CARD14: variants seen among roughly 807,000 people sequenced by gnomAD.
CARD14 encodes caspase recruitment domain family member 14, also known as caspase recruitment domain-containing protein 14.
A neutral mutation model predicts 111.5 loss-of-function variants in CARD14; 107 were observed. The ratio of observed to expected loss-of-function variants is 0.96; its 90% CI spans 0.82 to 1.13. CARD14 has a LOEUF of 1.13. Among genes scored for constraint, CARD14 ranks in the 50% most tolerant of loss-of-function variants. The pLI is 0.00. For synonymous variants in CARD14, 617 were observed against 579.6 expected, an observed-to-expected ratio of 1.06 and a Z score of -0.93; for missense variants, 1,322 against 1,362.3, an observed-to-expected ratio of 0.97 and a Z score of 0.47.
chr17:80,206,541 A>G (rs2041321553), intron 22 of CARD14, among the ~76,000 whole-genome samples: 1 of 152,210 alleles, frequency 6.6e-6, no homozygotes, highest in Non-Finnish European at 1.5e-5. Flanking sequence ...CGAGGCGGGC[A>G]GATCACCTGA....
chr17:80,202,320 G>A lies in CARD14; in HGVS notation c.2119G>A (p.Asp707Asn), dbSNP rs757622443. ...VHCNEVLHVT[D>N]TMFQGCGCWH... ...TTGCAACGAGGTCCTGCACGTCACCGACACCATGTTCCAGGGCTGCGGCTG... is the reference window on the plus strand; with the variant it reads ...TTGCAACGAGGTCCTGCACGTCACCAACACCATGTTCCAGGGCTGCGGCTG... Residue 707 changes from aspartate (D) to asparagine (N), a missense_variant, in exon 18 of 24, where the codon GAC becomes AAC. By Grantham distance (23) the Asp-to-Asn change is conservative. Transcript: ENST00000648509. 25 of 1,613,638 alleles carry A rather than the reference G, an allele frequency of 1.5e-5. 1 individual carries two copies. Among genetic ancestry groups the A allele is most frequent in the Middle Eastern group, 1.6e-4 (1 of 6,062 alleles).
Position 80,189,621 on chromosome 17 carries a change from G to A in CARD14, c.844-132G>A, listed in dbSNP as rs1268818529. On this transcript the variant is annotated intron_variant, in intron 8 of 23. Transcript: ENST00000648509. This position sits in a 1 kb window ranked among gnomAD's most constrained non-coding sequence, Gnocchi z 4.7. ...CTTTTCCGTGGCTTCTCTCCTGCCC[G>A]GTGTAGAGTGGCAAGACTGCATCCG... 6.9e-6 allele frequency: 8 copies of A among 1,157,308 alleles called. No individual in the cohort carries two copies. The highest frequency in any genetic ancestry group is 3.2e-5 in the East Asian group (1 of 31,572). The allele number at this position is 1,157,308 out of a possible 1,614,324, so 71.7% of individuals were successfully genotyped here.
In CARD14 at chr17:80,182,551, G is replaced by A; in HGVS notation, c.212-102G>A. 7.2e-7 allele frequency: 1 copy of A among 1,392,074 alleles called. No individual in the cohort carries two copies. The highest frequency in any genetic ancestry group is 9.8e-7 in the Non-Finnish European group (1 of 1,015,560). The allele number at this position is 1,392,074 out of a possible 1,614,324, so 86.2% of individuals were successfully genotyped here. A position where few individuals can be genotyped will look rare whatever the true frequency, so the allele number is the denominator to read the frequency against. On this transcript the variant is annotated intron_variant, in intron 5 of 23. Coordinates refer to ENST00000648509, the MANE Select transcript of CARD14 (RefSeq NM_001366385.1). The surrounding 1 kb of genome is among the most constrained non-coding windows in gnomAD (Gnocchi z 4.7). ...CCTCCCGATTCTTACATGTGCGGGG[G>A]GTTTCCCAGCCCCAGGCCTCTCCCC...
Position 80,198,314 on chromosome 17 carries a change from G to A in CARD14, c.1659-85G>A. 1 of 1,562,836 alleles carries A rather than the reference G, an allele frequency of 6.4e-7. No homozygotes were observed. The highest frequency in any genetic ancestry group is 2.3e-5 in the East Asian group (1 of 44,136). On this transcript the variant is annotated intron_variant, in intron 15 of 23. Transcript: ENST00000648509. The surrounding 1 kb of genome is among the most constrained non-coding windows in gnomAD (Gnocchi z 7.5). ...GGGGGAGGAGAATTCCAGAACACTG[G>A]GGCCAGAGGGAAGCAATGGGGAGGT...
At position 80,184,278 on chromosome 17, in the gene CARD14, G is replaced by A. The variant is rs186742942; in HGVS notation, c.675+40G>A. 69 of 1,451,228 alleles carry A rather than the reference G, an allele frequency of 4.8e-5. 1 individual carries two copies. The African/African-American group carries it at 6.1e-4, about 13-fold the overall frequency. The allele number at this position is 1,451,228 out of a possible 1,614,324, so 89.9% of individuals were successfully genotyped here. ...TGCACCCCGGCGCGACCCTGCTGTC[G>A]TCTGCCCCCAGGCCTTTGTACTAGC... On this transcript the variant is annotated intron_variant, in intron 7 of 23. Transcript: ENST00000648509.
intron 23 of CARD14, 41 bp from the exon 24 acceptor site, chr17:80,208,097 C>A: frequency 7.0e-7 from 1 of 1,433,774 alleles, no homozygotes; most frequent in Non-Finnish European, 9.4e-7. Context: ...TGGGCCCTTG[C>A]TCTCCCCTGA....
chr17:80,201,984 G>C lies in CARD14; in HGVS notation c.1978+114G>C. The C allele has an allele frequency of 2.1e-6, 3 of 1,401,560 alleles. No individual in the cohort carries two copies. The highest frequency in any genetic ancestry group is 2.9e-6 in the Non-Finnish European group (3 of 1,035,544). 86.8% of individuals were successfully genotyped at this position (1,401,560 alleles called of 1,614,324 possible). ...GCCAGGGACCCCCAGAGCCAAGAGAGGATCAGCCAGGCTGTGCCCCAGGTC... is the reference window on the plus strand; with the variant it reads ...GCCAGGGACCCCCAGAGCCAAGAGACGATCAGCCAGGCTGTGCCCCAGGTC... On this transcript the variant is annotated intron_variant, in intron 17 of 23. Coordinates refer to ENST00000648509, the MANE Select transcript of CARD14 (RefSeq NM_001366385.1). This position sits in a 1 kb window ranked among gnomAD's most constrained non-coding sequence, Gnocchi z 5.0.
In CARD14 at chr17:80,189,238, G is replaced by C. The variant is rs562990973; in HGVS notation, c.844-515G>C. Among the ~76,000 whole-genome samples the C allele has an allele frequency of 1.3e-5, 2 of 152,216 alleles. No homozygotes were observed. The highest frequency in any genetic ancestry group is 1.3e-4 in the Admixed American group (2 of 15,286). On this transcript the variant is annotated intron_variant, in intron 8 of 23. Transcript: ENST00000648509. The surrounding 1 kb of genome is among the most constrained non-coding windows in gnomAD (Gnocchi z 4.7). ...TGGGCCTCAGGTGCACTGGAGAGAG[G>C]GGGGCTCTGAAGTGGAGCAGTGAGT... is the stretch of plus-strand genomic sequence containing the variant.
chr17:80,187,952 C>G (rs1368259041), intron 7 of CARD14: 2 of 986,314 alleles, frequency 2.0e-6, no homozygotes, highest in East Asian at 1.1e-4. Flanking sequence ...CCTGACTTTC[C>G]TCTCTCTTAC....
rs764563339 is a variant in CARD14 at position 80,201,699 on chromosome 17, C to G, written c.1852-45C>G. 1.1e-5 allele frequency: 18 copies of G among 1,611,502 alleles called. No homozygotes were observed. The highest frequency in any genetic ancestry group is 1.5e-5 in the Non-Finnish European group (18 of 1,178,336). On this transcript the variant is annotated intron_variant, in intron 16 of 23. Transcript: ENST00000648509. The surrounding 1 kb of genome is among the most constrained non-coding windows in gnomAD (Gnocchi z 5.0). ...GCGCCTTCTGTCTTCTGGCTGGATT[C>G]AGAGTCCCGGGGGAAAGAGACTGAC...
intron 6 of CARD14, among the ~76,000 whole-genome samples, chr17:80,183,113 G>A (rs113041761): frequency 4.6e-5 from 7 of 152,186 alleles, no homozygotes; most frequent in Non-Finnish European, 7.3e-5. Context: ...CCTGGAGTCC[G>A]CCTTTAACCT....
At chr17:80,186,415 C>T (rs995070637) in intron 7 of CARD14, among the ~76,000 whole-genome samples, 5 of 152,232 alleles carry the variant, frequency 3.3e-5, no homozygotes, top group East Asian at 1.9e-4. Flanking sequence ...TGTCCTAAAA[C>T]GGGTCCCTTG....
intron 12 of CARD14, among the ~76,000 whole-genome samples, chr17:80,193,795 G>A (rs1490201789): frequency 6.6e-6 from 1 of 152,144 alleles, no homozygotes; most frequent in Non-Finnish European, 1.5e-5. Flanking sequence ...TCGGTGCTGG[G>A]CCTCCCTGGG....
chr17:80,200,874 T>C (rs1138680), intron 16 of CARD14: 1 of 152,250 alleles, frequency 6.6e-6, no homozygotes, highest in Admixed American at 6.6e-5. Flanking sequence ...GATCCCTCAC[T>C]TGCACAGTTC....
intron 6 of CARD14, among the ~76,000 whole-genome samples, chr17:80,183,399 G>C (rs117386262): frequency 9.8e-4 from 149 of 152,340 alleles, no homozygotes; most frequent in Middle Eastern, 3.4e-3. Context: ...ATGTTCTTTA[G>C]AGTTCTAGTA....
chr17:80,187,227 G>A (rs886234000), intron 7 of CARD14, among the ~76,000 whole-genome samples: 6 of 152,146 alleles, frequency 3.9e-5, no homozygotes, highest in East Asian at 1.9e-4. Context: ...ATCTCAAATC[G>A]TTTCAGAATC....
rs559363898 is a variant in CARD14, at chr17:80,181,454, C to T, written c.16C>T (p.Arg6Cys). Residue 6 changes from arginine (R) to cysteine (C), a missense_variant, in exon 5 of 24, where the codon CGC becomes TGC. Arg to Cys is a radical substitution (Grantham distance 180). Coordinates refer to ENST00000648509, the MANE Select transcript of CARD14 (RefSeq NM_001366385.1). MGELC[R>C]RDSALTALDE... Reference sequence around the variant, plus strand: ...GCGCCCAGCCATGGGGGAACTGTGCCGCAGGGACTCCGCACTCACGGCACT... The same window carrying T: ...GCGCCCAGCCATGGGGGAACTGTGCTGCAGGGACTCCGCACTCACGGCACT... 7.4e-5 allele frequency: 116 copies of T among 1,573,302 alleles called. No individual in the cohort carries two copies. In the Admixed American group the frequency reaches 9.1e-4, roughly 12 times the overall value.
chr17:80,193,963 C>T (rs945634565), intron 12 of CARD14, among the ~76,000 whole-genome samples: 5 of 152,110 alleles, frequency 3.3e-5, no homozygotes, highest in Non-Finnish European at 5.9e-5. Flanking sequence ...AGAACTGGCT[C>T]GCCAGAACAC....
In CARD14 at chr17:80,191,439, G is replaced by A; in HGVS notation, c.1206G>A (p.Gln402=). The A allele has an allele frequency of 6.2e-7, 1 of 1,613,172 alleles. No homozygotes were observed. Among genetic ancestry groups the A allele is most frequent in the South Asian group, 1.1e-5 (1 of 91,076 alleles). Residue 402 remains glutamine, a synonymous_variant, in exon 11 of 24, where the codon CAG becomes CAA. Transcript: ENST00000648509. ...ACCAGGTCTGCGAGCTGCGCACACA[G>A]CTTCGCCAGCTGCAGGCAGAGCCTC... is the stretch of plus-strand genomic sequence containing the variant. The part of the protein sequence containing the change: ...LTDQVCELRT[Q]LRQLQAEPPG...
Sources: allele counts gnomAD v4.1 joint callset (sites outside exome capture counted in the v4.1 genomes callset), GRCh38; gene constraint gnomAD v4.1.1; non-coding constraint Gnocchi (gnomAD v3.1); transcripts MANE v1.5; gene names NCBI Gene and HGNC (gene_info 2026-07-23, HGNC 2026-07-21).